The following GPATCH2 variants were observed in gnomAD, a reference collection of about 807,000 sequenced individuals.
GPATCH2 encodes G-patch domain containing 2, also known as G patch domain-containing protein 2.
A neutral mutation model predicts 58.0 loss-of-function variants in GPATCH2; 51 were observed. That is an observed-to-expected ratio of 0.88 (90% CI 0.70 to 1.11). The LOEUF is 1.11. Ranked by LOEUF, GPATCH2 falls within the 50% of genes most tolerant of loss-of-function variation. The pLI is 0.00. For missense variants in GPATCH2, 625 were observed against 652.2 expected (o/e 0.96, Z 0.45); for synonymous variants, 222 against 218.5 (o/e 1.02, Z -0.14).
chr1:217,500,559 ATTC>A (rs985777687), intron 6 of GPATCH2, among the ~76,000 whole-genome samples: 1 of 151,798 alleles, frequency 6.6e-6, no homozygotes, highest in African/African-American at 2.4e-5. Context: ...TCTTCTTCAT[ATTC>A]TTAAGTTTTC....
chr1:217,506,245 T>C (rs1264869790), intron 6 of GPATCH2, among the ~76,000 whole-genome samples: 1 of 152,182 alleles, frequency 6.6e-6, no homozygotes, highest in Non-Finnish European at 1.5e-5. Context: ...AAGTGGATTA[T>C]CACTAAATAT....
chr1:217,622,991 G>C (rs930735346), intron 1 of GPATCH2, among the ~76,000 whole-genome samples: 2 of 152,142 alleles, frequency 1.3e-5, no homozygotes, highest in Non-Finnish European at 2.9e-5. Context: ...GTTATCAAAT[G>C]CCCTTTTCCC....
At chr1:217,573,034 G>C (rs533462118) in intron 5 of GPATCH2, among the ~76,000 whole-genome samples, 1 of 152,124 alleles carries the variant, frequency 6.6e-6, no homozygotes, top group Non-Finnish European at 1.5e-5. Flanking sequence ...AAGGAAGTCC[G>C]ACACAAAAGT....
At chr1:217,514,160 C>CT (rs1227169328) in intron 6 of GPATCH2, among the ~76,000 whole-genome samples, 54 of 144,130 alleles carry the variant, frequency 3.7e-4, no homozygotes, top group African/African-American at 5.3e-4. Flanking sequence ...TCTTTTACTC[C>CT]TTTTTTTTTT....
intron 5 of GPATCH2, among the ~76,000 whole-genome samples, chr1:217,594,254 T>G (rs1396427394): frequency 2.6e-5 from 4 of 152,130 alleles, no homozygotes; most frequent in Admixed American, 2.6e-4. Context: ...GAGCTAATAT[T>G]TCTAAGTATA....
chr1:217,437,384 C>A (rs1486926337), intron 9 of GPATCH2, among the ~76,000 whole-genome samples: 1 of 152,148 alleles, frequency 6.6e-6, no homozygotes, highest in African/African-American at 2.4e-5. Flanking sequence ...CGAGACACAA[C>A]CATTAACTCC....
At chr1:217,564,892 A>T (rs757733527) in intron 5 of GPATCH2, among the ~76,000 whole-genome samples, 4 of 152,226 alleles carry the variant, frequency 2.6e-5, no homozygotes, top group Non-Finnish European at 5.9e-5. Flanking sequence ...TCTAAAAAAA[A>T]TGACTGCGAT....
At chr1:217,524,180 C>T (rs1278356380) in intron 5 of GPATCH2, among the ~76,000 whole-genome samples, 3 of 138,106 alleles carry the variant, frequency 2.2e-5, no homozygotes, top group Non-Finnish European at 3.1e-5. Flanking sequence ...ACTTCTCAGA[C>T]GGGGCGGCTG....
intron 8 of GPATCH2, among the ~76,000 whole-genome samples, chr1:217,455,632 C>T (rs1257510951): frequency 6.6e-6 from 1 of 152,040 alleles, no homozygotes; most frequent in East Asian, 1.9e-4. Flanking sequence ...TATTGTGTTT[C>T]CTATGTGCCT....
At chr1:217,587,458 A>G (rs1667393806) in intron 5 of GPATCH2, among the ~76,000 whole-genome samples, 1 of 152,232 alleles carries the variant, frequency 6.6e-6, no homozygotes, top group African/African-American at 2.4e-5. Context: ...CCTAAGATAG[A>G]AAGAGACTGG....
chr1:217,510,300 T>C (rs1012366958), intron 6 of GPATCH2, among the ~76,000 whole-genome samples: 1 of 152,040 alleles, frequency 6.6e-6, no homozygotes, highest in African/African-American at 2.4e-5. Context: ...AATAAAACCA[T>C]TATGCTACTC....
intron 5 of GPATCH2, chr1:217,608,527 T>A (rs1244701410): frequency 1.0e-6 from 1 of 984,574 alleles, no homozygotes; most frequent in Non-Finnish European, 1.2e-6. Context: ...AATACCACAG[T>A]GAGATTGCAA....
chr1:217,448,140 T>C (rs1161629594), intron 9 of GPATCH2, among the ~76,000 whole-genome samples: 1 of 151,666 alleles, frequency 6.6e-6, no homozygotes, highest in East Asian at 1.9e-4. Context: ...GTTTCACATC[T>C]TTTTTTTCCT....
At chr1:217,447,233 ATAGT>A (rs1164618371) in intron 9 of GPATCH2, among the ~76,000 whole-genome samples, 13 of 152,338 alleles carry the variant, frequency 8.5e-5, no homozygotes, top group South Asian at 4.1e-4. Flanking sequence ...CTACATAGTA[ATAGT>A]TAGATAAATC....
intron 3 of GPATCH2, among the ~76,000 whole-genome samples, chr1:217,612,120 C>G (rs1161585526): frequency 6.6e-6 from 1 of 151,778 alleles, no homozygotes; most frequent in East Asian, 1.9e-4. Context: ...TTTGGGGTTA[C>G]AGTGAGCTAT....
At chr1:217,459,634 T>A (rs1660112471) in intron 8 of GPATCH2, among the ~76,000 whole-genome samples, 1 of 152,188 alleles carries the variant, frequency 6.6e-6, no homozygotes, top group Non-Finnish European at 1.5e-5. Context: ...CAAAATAGAC[T>A]ACAGATTCAG....
intron 1 of GPATCH2, 34 bp downstream of exon 1, chr1:217,630,882 C>A: frequency 1.9e-6 from 3 of 1,540,512 alleles, no homozygotes; most frequent in South Asian, 2.3e-5. Flanking sequence ...ACACCCTTCC[C>A]TGACCTCCCC....
At chr1:217,618,784 A>G (rs1198856634) in intron 2 of GPATCH2, among the ~76,000 whole-genome samples, 2 of 150,568 alleles carry the variant, frequency 1.3e-5, no homozygotes, top group African/African-American at 2.4e-5. Flanking sequence ...ACATGGTGAA[A>G]CCCCGTCTCT....
intron 9 of GPATCH2, among the ~76,000 whole-genome samples, chr1:217,448,122 G>C (rs1571715897): frequency 6.7e-6 from 1 of 149,224 alleles, no homozygotes; most frequent in Non-Finnish European, 1.5e-5. Flanking sequence ...AAAAAATAGA[G>C]AATGTAAGTT....
Sources: allele counts gnomAD v4.1 joint callset (sites outside exome capture counted in the v4.1 genomes callset), GRCh38; gene constraint gnomAD v4.1.1; transcripts MANE v1.5; gene names NCBI Gene and HGNC (gene_info 2026-07-23, HGNC 2026-07-21).